The following PTPRN2 variants were observed in gnomAD, a reference collection of about 807,000 sequenced individuals.
PTPRN2 encodes protein tyrosine phosphatase receptor type N2.
A neutral mutation model predicts 118.8 loss-of-function variants in PTPRN2; 74 were observed. The ratio of observed to expected loss-of-function variants is 0.62; its 90% CI spans 0.52 to 0.76. The LOEUF is 0.76. Among genes scored for constraint, PTPRN2 ranks in the 30% least tolerant of loss-of-function variants. The pLI is 0.00. For synonymous variants in PTPRN2, 641 were observed against 608.0 expected, an observed-to-expected ratio of 1.05 and a Z score of -0.80; for missense variants, 1,481 against 1,394.4, an observed-to-expected ratio of 1.06 and a Z score of -0.99.
At chr7:158,056,001 C>T (rs182982082) in intron 11 of PTPRN2, among the ~76,000 whole-genome samples, 233 of 152,344 alleles carry the variant, frequency 1.5e-3, no homozygotes, top group Non-Finnish European at 2.7e-3. Flanking sequence ...CCAGACCCCA[C>T]TGCCTGTGGG....
rs150601142 is a variant in PTPRN2, at chr7:157,619,435, C to G, written c.2344+1927G>C. On this transcript the variant is annotated intron_variant, in intron 15 of 22. Coordinates refer to ENST00000389418, the MANE Select transcript of PTPRN2 (RefSeq NM_002847.5). The surrounding 1 kb of genome is among the most constrained non-coding windows in gnomAD (Gnocchi z 5.3). Reference sequence around the variant, plus strand: ...GCTTCACTCCCCGCCCTCTCCTCCCCCAGGCTGCTCCTCTCTGAGGACAGT... The same window carrying G: ...GCTTCACTCCCCGCCCTCTCCTCCCGCAGGCTGCTCCTCTCTGAGGACAGT... Among the ~76,000 whole-genome samples the G allele has an allele frequency of 4.5e-3, 690 of 152,306 alleles. 5 individuals are homozygous for G. The highest frequency in any genetic ancestry group is 0.016 in the African/African-American group (652 of 41,572).
intron 6 of PTPRN2, among the ~76,000 whole-genome samples, chr7:158,144,402 C>A (rs1011752563): frequency 5.3e-5 from 8 of 152,148 alleles, no homozygotes; most frequent in Admixed American, 2.0e-4. Context: ...CTTTGGGAGG[C>A]CAAGGTGGGC....
intron 12 of PTPRN2, among the ~76,000 whole-genome samples, chr7:157,828,961 T>C (rs1563150251): frequency 6.6e-6 from 1 of 152,226 alleles, no homozygotes; most frequent in East Asian, 1.9e-4. Flanking sequence ...TTATGCATCA[T>C]GGTTTTTATA....
chr7:158,499,712 A>G (rs1442105243), intron 1 of PTPRN2, among the ~76,000 whole-genome samples: 2 of 152,054 alleles, frequency 1.3e-5, no homozygotes, highest in Non-Finnish European at 2.9e-5. Flanking sequence ...TGGAGGTTTC[A>G]GTGAGCCAAG....
chr7:158,123,534 C>T (rs914297140), intron 9 of PTPRN2, among the ~76,000 whole-genome samples: 2 of 152,188 alleles, frequency 1.3e-5, no homozygotes, highest in Admixed American at 6.5e-5. Context: ...ACTGAACCTT[C>T]CTCCTGCGGA....
intron 10 of PTPRN2, among the ~76,000 whole-genome samples, chr7:158,090,775 C>A (rs1256895400): frequency 1.3e-5 from 2 of 152,198 alleles, no homozygotes; most frequent in Non-Finnish European, 2.9e-5. Flanking sequence ...ATTTGGAAAT[C>A]TCTTTTTCCC....
In PTPRN2 at chr7:157,590,673, C is replaced by T. The variant is rs968567858; in HGVS notation, c.2496+4565G>A. On this transcript the variant is annotated intron_variant, in intron 17 of 22. Transcript: ENST00000389418. This position sits in a 1 kb window ranked among gnomAD's most constrained non-coding sequence, Gnocchi z 4.0. Reference sequence around the variant, plus strand: ...GGGACGGGGAGCTGATGGGGCCTCGCGGTGCCATGCTGGGGGAGAGGCTGG... The same window carrying T: ...GGGACGGGGAGCTGATGGGGCCTCGTGGTGCCATGCTGGGGGAGAGGCTGG... Among the ~76,000 whole-genome samples, 39 of 138,152 alleles carry T rather than the reference C, an allele frequency of 2.8e-4. No homozygotes were observed. The highest frequency in any genetic ancestry group is 3.4e-3 in the Middle Eastern group (1 of 292). The allele number at this position is 138,152 out of a possible 152,430, so 90.6% of individuals were successfully genotyped here.
chr7:158,119,007 C>A (rs964167375), intron 9 of PTPRN2, among the ~76,000 whole-genome samples: 5 of 152,172 alleles, frequency 3.3e-5, no homozygotes, highest in Non-Finnish European at 7.3e-5. Flanking sequence ...TGGCCAATAT[C>A]TTCTTTTAAT....
At chr7:158,021,548 TC>T (rs1297889254) in intron 11 of PTPRN2, among the ~76,000 whole-genome samples, 1 of 151,208 alleles carries the variant, frequency 6.6e-6, no homozygotes, top group African/African-American at 2.4e-5. Flanking sequence ...AATATAAATC[TC>T]CCCCCGAGAG....
intron 11 of PTPRN2, among the ~76,000 whole-genome samples, chr7:158,060,711 A>G (rs1359314721): frequency 6.6e-6 from 1 of 152,218 alleles, no homozygotes; most frequent in African/African-American, 2.4e-5. Context: ...CAGAGTGTCC[A>G]CTGCACACCA....
intron 6 of PTPRN2, among the ~76,000 whole-genome samples, chr7:158,156,695 C>T (rs554908951): frequency 4.6e-5 from 7 of 152,308 alleles, no homozygotes; most frequent in East Asian, 3.9e-4. Flanking sequence ...CAGCCTGTGA[C>T]GCACTCACCC....
intron 2 of PTPRN2, among the ~76,000 whole-genome samples, chr7:158,407,851 G>T (rs1813723302): frequency 6.6e-6 from 1 of 152,346 alleles, no homozygotes. Flanking sequence ...TGAGTTCATG[G>T]CGTGATTAGC....
rs749269220 is a variant in PTPRN2, at chr7:158,325,555, C to T, written c.164-8623G>A. Among the ~76,000 whole-genome samples the T allele has an allele frequency of 3.0e-4, 46 of 152,196 alleles. 1 individual carries two copies. The highest frequency in any genetic ancestry group is 7.3e-5 in the Non-Finnish European group (5 of 68,034). ...ACAGCATATTAAGGTAAATGGTATGCACGTGAAAACTGATTTATCTCAGCT... is the reference window on the plus strand; with the variant it reads ...ACAGCATATTAAGGTAAATGGTATGTACGTGAAAACTGATTTATCTCAGCT... On this transcript the variant is annotated intron_variant, in intron 2 of 22. Transcript: ENST00000389418.
chr7:157,808,742 G>A lies in PTPRN2; in HGVS notation c.1788+89931C>T, dbSNP rs997484461. On this transcript the variant is annotated intron_variant, in intron 12 of 22. Coordinates refer to ENST00000389418, the MANE Select transcript of PTPRN2 (RefSeq NM_002847.5). This position sits in a 1 kb window ranked among gnomAD's most constrained non-coding sequence, Gnocchi z 5.0. ...CCCAACCTTGGTCCATGGAAAAACCGTCTTCCATGGAACAGGTCCCTGGTG... is the reference window on the plus strand; with the variant it reads ...CCCAACCTTGGTCCATGGAAAAACCATCTTCCATGGAACAGGTCCCTGGTG... Among the ~76,000 whole-genome samples, 14 of 152,132 alleles carry A rather than the reference G, an allele frequency of 9.2e-5. No individual in the cohort carries two copies. Among genetic ancestry groups the A allele is most frequent in the African/African-American group, 9.7e-5 (4 of 41,434 alleles).
intron 12 of PTPRN2, among the ~76,000 whole-genome samples, chr7:157,849,564 C>T (rs151197992): frequency 6.6e-5 from 10 of 152,320 alleles, no homozygotes; most frequent in Admixed American, 2.0e-4. Context: ...GGACTAAATT[C>T]AGCTGCATAT....
In PTPRN2 at chr7:157,543,088, G is replaced by A. The variant is rs1198379548; in HGVS notation, c.2977-2303C>T. On this transcript the variant is annotated intron_variant, in intron 22 of 22. Transcript: ENST00000389418. ...GTAGGCTGGGAAAACCCCAGCATTTGGATAACTTTTATGATAGGAGTTTAT... is the reference window on the plus strand; with the variant it reads ...GTAGGCTGGGAAAACCCCAGCATTTAGATAACTTTTATGATAGGAGTTTAT... 2.0e-5 allele frequency among the ~76,000 whole-genome samples: 3 copies of A among 152,126 alleles called. No individual in the cohort carries two copies. The East Asian group carries it at 5.8e-4, about 29-fold the overall frequency.
Position 158,075,214 on chromosome 7 carries a change from C to T in PTPRN2, c.1723+6084G>A, listed in dbSNP as rs142213711. ...CAAAATGCCAGAAGTAATTACCTGG[C>T]TGTTCAGAATGGAGTCATGGGGTGC... On this transcript the variant is annotated intron_variant, in intron 11 of 22. Transcript: ENST00000389418. Among the ~76,000 whole-genome samples the T allele has an allele frequency of 2.0e-5, 3 of 152,322 alleles. No individual in the cohort carries two copies. In the East Asian group the frequency reaches 5.8e-4, roughly 29 times the overall value.
Position 157,558,111 on chromosome 7 carries a change from G to A in PTPRN2, c.2903-9092C>T, listed in dbSNP as rs561374871. On this transcript the variant is annotated intron_variant, in intron 21 of 22. Transcript: ENST00000389418. The stretch of plus-strand genomic sequence containing the variant: ...CAAGGGGGGATTGTTAAAAGGGAAA[G>A]ACGAATACGATGGCTCCACAATTCC... Among the ~76,000 whole-genome samples, 37 of 84,848 alleles carry A rather than the reference G, an allele frequency of 4.4e-4. 1 individual carries two copies. Among genetic ancestry groups the A allele is most frequent in the African/African-American group, 1.7e-3 (33 of 19,318 alleles). The allele number at this position is 84,848 out of a possible 152,430, so 55.7% of individuals were successfully genotyped here.
intron 11 of PTPRN2, among the ~76,000 whole-genome samples, chr7:157,901,221 G>A (rs967165878): frequency 4.6e-5 from 7 of 152,206 alleles, no homozygotes; most frequent in East Asian, 1.9e-4. Context: ...ATCCATTCAC[G>A]AGGGATCTGC....
Sources: allele counts gnomAD v4.1 joint callset (sites outside exome capture counted in the v4.1 genomes callset), GRCh38; gene constraint gnomAD v4.1.1; non-coding constraint Gnocchi (gnomAD v3.1); transcripts MANE v1.5; gene names NCBI Gene and HGNC (gene_info 2026-07-23, HGNC 2026-07-21).